Variants in GNL1 observed in about 807,000 individuals in gnomAD.
The protein encoded by GNL1 is G protein nucleolar 1.
Under a neutral mutation model 75.2 loss-of-function variants are expected in GNL1, and 21 were observed. That is an observed-to-expected ratio of 0.28 (90% CI 0.20 to 0.40). The LOEUF is 0.40. Ranked by LOEUF, GNL1 falls within the 10% of genes least tolerant of loss-of-function variation. GNL1 has a pLI of 1.00. For missense variants in GNL1, 579 were observed against 775.0 expected (o/e 0.75, Z 3.00); for synonymous variants, 287 against 303.4 (o/e 0.95, Z 0.56).
chr6:30,547,760 G>A lies in GNL1; in HGVS notation c.1100-230C>T. On this transcript the variant is annotated intron_variant, in intron 8 of 11. Transcript: ENST00000376621. This position sits in a 1 kb window ranked among gnomAD's most constrained non-coding sequence, Gnocchi z 5.5. ...AGCCTCTGTTTCTTCATTTTACAGT[G>A]TGGACACCTCCCTACCTCAGGGTGG... is the stretch of plus-strand genomic sequence containing the variant. The A allele has an allele frequency of 1.8e-6, 1 of 565,592 alleles. No individual in the cohort carries two copies. The highest frequency in any genetic ancestry group is 3.1e-6 in the Non-Finnish European group (1 of 325,204). 35.0% of individuals were successfully genotyped at this position (565,592 alleles called of 1,614,324 possible).
chr6:30,555,866 A>G lies in GNL1; in HGVS notation c.74-146T>C, dbSNP rs1800134300. The G allele has an allele frequency of 1.1e-6, 1 of 928,768 alleles. No individual in the cohort carries two copies. The highest frequency in any genetic ancestry group is 1.6e-6 in the Non-Finnish European group (1 of 618,096). 57.5% of individuals were successfully genotyped at this position (928,768 alleles called of 1,614,324 possible). A position where few individuals can be genotyped will look rare whatever the true frequency, so the allele number is the denominator to read the frequency against. ...GACACCCTATTTGGGACCCTCCCGG[A>G]TGTGCGTGGGGGGAGTCACTCCTTC... On this transcript the variant is annotated intron_variant, in intron 1 of 11. Transcript: ENST00000376621. The surrounding 1 kb of genome is among the most constrained non-coding windows in gnomAD (Gnocchi z 4.3).
chr6:30,553,665 G>C, intron 5 of GNL1, 108 bp from the exon 6 acceptor site: 3 of 738,432 alleles, frequency 4.1e-6, no homozygotes, highest in Non-Finnish European at 4.8e-6. Flanking sequence ...CCTGGTGGTA[G>C]CAGACTCTGG....
Position 30,541,452 on chromosome 6 carries a change from A to T in GNL1, c.*4620T>A, listed in dbSNP as rs1260787096. 1.3e-5 allele frequency: 2 copies of T among 152,230 alleles called. No homozygotes were observed. The highest frequency in any genetic ancestry group is 4.8e-5 in the African/African-American group (2 of 41,464). 9.4% of individuals were successfully genotyped at this position (152,230 alleles called of 1,614,324 possible). On this transcript the variant is annotated 3_prime_UTR_variant, in exon 12 of 12. Coordinates refer to ENST00000376621, the MANE Select transcript of GNL1 (RefSeq NM_005275.5). ...TGTATTTGTAAATATTAAAACACTG[A>T]AACTTGCTACTGACACAAGAACGAC...
Position 30,555,774 on chromosome 6 carries a change from A to G in GNL1, c.74-54T>C, listed in dbSNP as rs757463759. On this transcript the variant is annotated intron_variant, in intron 1 of 11. Transcript: ENST00000376621. This position sits in a 1 kb window ranked among gnomAD's most constrained non-coding sequence, Gnocchi z 4.3. ...CTGGCCAGCTCTCAGGGGCCATAAG[A>G]CCCTCTCCCCCATCGGCCTGACTCC... 1.9e-6 allele frequency: 3 copies of G among 1,561,344 alleles called. No homozygotes were observed. The East Asian group carries it at 6.8e-5, about 35-fold the overall frequency.
In GNL1 at chr6:30,555,656, T is replaced by G; in HGVS notation, c.138A>C (p.Glu46Asp). The change falls in exon 2 of 12, where the codon GAA becomes GAC. Residue 46 changes from glutamate to aspartate, a missense_variant. Coordinates refer to ENST00000376621, the MANE Select transcript of GNL1 (RefSeq NM_005275.5). The surrounding 1 kb of genome is among the most constrained non-coding windows in gnomAD (Gnocchi z 4.3). ...ACTCCCCGTCCGAGGTGTCGGTCTG[T>G]TCCTCTCGCCGCTCCCGGCTCCCGC... ...SRSGSRERRE[E>D]QTDTSDGESV... 6.2e-7 allele frequency: 1 copy of G among 1,614,044 alleles called. No homozygotes were observed. Among genetic ancestry groups the G allele is most frequent in the Non-Finnish European group, 8.5e-7 (1 of 1,179,994 alleles).
Position 30,547,338 on chromosome 6 carries a change from C to A in GNL1, c.1278+14G>T, listed in dbSNP as rs777099471. 3.6e-5 allele frequency: 57 copies of A among 1,589,696 alleles called. No individual in the cohort carries two copies. The highest frequency in any genetic ancestry group is 4.9e-5 in the Non-Finnish European group (57 of 1,167,454). On this transcript the variant is annotated intron_variant, in intron 9 of 11. Coordinates refer to ENST00000376621, the MANE Select transcript of GNL1 (RefSeq NM_005275.5). The surrounding 1 kb of genome is among the most constrained non-coding windows in gnomAD (Gnocchi z 5.5). ...CACCTTCTCTCTTTCCCTTACCCACCCTCCCCGTCATACCTGCAACTGCCT... is the reference window on the plus strand; with the variant it reads ...CACCTTCTCTCTTTCCCTTACCCACACTCCCCGTCATACCTGCAACTGCCT...
Position 30,556,358 on chromosome 6 carries a change from C to T in GNL1, c.-155G>A, listed in dbSNP as rs898863894. 2.2e-4 allele frequency: 173 copies of T among 777,444 alleles called. No individual in the cohort carries two copies. In the African/African-American group the frequency reaches 2.3e-3, roughly 11 times the overall value. 48.2% of individuals were successfully genotyped at this position (777,444 alleles called of 1,614,324 possible). On this transcript the variant is annotated 5_prime_UTR_variant, in exon 1 of 12. Coordinates refer to ENST00000376621, the MANE Select transcript of GNL1 (RefSeq NM_005275.5). The surrounding 1 kb of genome is among the most constrained non-coding windows in gnomAD (Gnocchi z 5.7). ...GGCGGGCCCGACAGAATTACCGCCG[C>T]GGCGGCGATGGAAGGCGGACGGGGG...
rs1799838132 is a variant in GNL1, at chr6:30,552,367, C to G, written c.1099+100G>C. On this transcript the variant is annotated intron_variant, in intron 8 of 11. Coordinates refer to ENST00000376621, the MANE Select transcript of GNL1 (RefSeq NM_005275.5). This position sits in a 1 kb window ranked among gnomAD's most constrained non-coding sequence, Gnocchi z 4.5. The stretch of plus-strand genomic sequence containing the variant: ...ACTGGCAGAGATCACCCCTCAGACA[C>G]CCTGGGGCCTAATGAGACCTGATCG... 2 of 996,130 alleles carry G rather than the reference C, an allele frequency of 2.0e-6. No individual in the cohort carries two copies. The highest frequency in any genetic ancestry group is 1.5e-6 in the Non-Finnish European group (1 of 655,452). The allele number at this position is 996,130 out of a possible 1,614,324, so 61.7% of individuals were successfully genotyped here. A position where few individuals can be genotyped will look rare whatever the true frequency, so the allele number is the denominator to read the frequency against.
At position 30,552,399 on chromosome 6, in the gene GNL1, CTCTT is replaced by C; in HGVS notation, c.1099+64_1099+67del. On this transcript the variant is annotated intron_variant, in intron 8 of 11. Transcript: ENST00000376621. This position sits in a 1 kb window ranked among gnomAD's most constrained non-coding sequence, Gnocchi z 4.5. ...GCCTAATGAGACCTGATCGCCCTCT[CTCTT>C]CTCCGAATATGAAAACTCTGTACCT... The C allele has an allele frequency of 1.5e-6, 2 of 1,362,084 alleles. No homozygotes were observed. Among genetic ancestry groups the C allele is most frequent in the Non-Finnish European group, 2.1e-6 (2 of 969,832 alleles). The allele number at this position is 1,362,084 out of a possible 1,614,324, so 84.4% of individuals were successfully genotyped here. A position where few individuals can be genotyped will look rare whatever the true frequency, so the allele number is the denominator to read the frequency against.
intron 8 of GNL1, among the ~76,000 whole-genome samples, chr6:30,551,518 C>T (rs1163180055): frequency 2.0e-5 from 3 of 152,158 alleles, no homozygotes; most frequent in Non-Finnish European, 2.9e-5. Context: ...TCTTACCTCT[C>T]CCACCCTAAA....
At position 30,547,995 on chromosome 6, in the gene GNL1, G is replaced by C. The variant is rs528238214; in HGVS notation, c.1100-465C>G. On this transcript the variant is annotated intron_variant, in intron 8 of 11. Coordinates refer to ENST00000376621, the MANE Select transcript of GNL1 (RefSeq NM_005275.5). This position sits in a 1 kb window ranked among gnomAD's most constrained non-coding sequence, Gnocchi z 5.5. ...CTTCAAGACCAGCCTGGCCAACATG[G>C]TGAAACCCCATCTCTACTAAAAATA... 6.6e-6 allele frequency among the ~76,000 whole-genome samples: 1 copy of C among 152,076 alleles called. No homozygotes were observed. Among genetic ancestry groups the C allele is most frequent in the Non-Finnish European group, 1.5e-5 (1 of 68,024 alleles).
intron 8 of GNL1, among the ~76,000 whole-genome samples, chr6:30,549,877 G>A (rs1284672767): frequency 6.8e-6 from 1 of 147,604 alleles, no homozygotes; most frequent in African/African-American, 2.5e-5. Flanking sequence ...AGGCTGGAGT[G>A]CAGTGGTATG....
chr6:30,555,519 G>A lies in GNL1; in HGVS notation c.239+36C>T, dbSNP rs1562716559. The A allele has an allele frequency of 1.9e-6, 3 of 1,584,852 alleles. No individual in the cohort carries two copies. The highest frequency in any genetic ancestry group is 2.6e-6 in the Non-Finnish European group (3 of 1,160,482). On this transcript the variant is annotated intron_variant, in intron 2 of 11. Coordinates refer to ENST00000376621, the MANE Select transcript of GNL1 (RefSeq NM_005275.5). This position sits in a 1 kb window ranked among gnomAD's most constrained non-coding sequence, Gnocchi z 4.3. ...CCAAAGCTCTGACTTCCGGGTAGGC[G>A]GGAAAGCCGGGACCAGCGCCCCCTC...
In GNL1 at chr6:30,556,153, C is replaced by T. The variant is rs745444912; in HGVS notation, c.51G>A (p.Gln17=). The T allele has an allele frequency of 1.2e-6, 2 of 1,604,868 alleles. No individual in the cohort carries two copies. Among genetic ancestry groups the T allele is most frequent in the South Asian group, 2.2e-5 (2 of 91,068 alleles). The part of the protein sequence containing the change: ...FSVKQKKKQL[Q]DKRERKRGLQ... ...GACCTCTCTTCCGCTCCCGTTTGTC[C>T]TGCAACTGCTTCTTCTTCTGCTTCA... is the stretch of plus-strand genomic sequence containing the variant. Residue 17 remains glutamine (Q), a synonymous_variant, in exon 1 of 12, where the codon CAG becomes CAA. Transcript: ENST00000376621. This position sits in a 1 kb window ranked among gnomAD's most constrained non-coding sequence, Gnocchi z 5.7.
chr6:30,549,007 T>G (rs1016116302), intron 8 of GNL1, among the ~76,000 whole-genome samples: 101 of 152,268 alleles, frequency 6.6e-4, no homozygotes, highest in Non-Finnish European at 1.1e-3. Flanking sequence ...TTTTTTTGTT[T>G]TTGTTTTTGA....
At position 30,554,655 on chromosome 6, in the gene GNL1, A is replaced by G. The variant is rs778236330; in HGVS notation, c.529-9T>C. 9 of 1,605,826 alleles carry G rather than the reference A, an allele frequency of 5.6e-6. No homozygotes were observed. The highest frequency in any genetic ancestry group is 4.4e-5 in the South Asian group (4 of 90,950). ...CACAGCTGCCTCCATGTCTAAAAAG[A>G]CAGGATCAGGAAGAGAAACTGAAAA... On this transcript the variant is annotated splice_polypyrimidine_tract_variant and intron_variant, in intron 4 of 11. Coordinates refer to ENST00000376621, the MANE Select transcript of GNL1 (RefSeq NM_005275.5).
Position 30,546,640 on chromosome 6 carries a change from A to G in GNL1, c.1582+56T>C. On this transcript the variant is annotated intron_variant, in intron 11 of 11. Coordinates refer to ENST00000376621, the MANE Select transcript of GNL1 (RefSeq NM_005275.5). The surrounding 1 kb of genome is among the most constrained non-coding windows in gnomAD (Gnocchi z 5.1). ...GACCCTCTCTCTGGCCACAAAGCCC[A>G]CACCCTTTTACCTACGCTATAGCAG... 1 of 1,448,006 alleles carries G rather than the reference A, an allele frequency of 6.9e-7. No homozygotes were observed. The highest frequency in any genetic ancestry group is 9.5e-7 in the Non-Finnish European group (1 of 1,056,564). 89.7% of individuals were successfully genotyped at this position (1,448,006 alleles called of 1,614,324 possible).
In GNL1 at chr6:30,556,447, TGAGAGCCA is replaced by T; in HGVS notation, c.-252_-245del. The T allele has an allele frequency of 5.3e-6, 3 of 571,270 alleles. No individual in the cohort carries two copies. The highest frequency in any genetic ancestry group is 9.3e-6 in the Non-Finnish European group (3 of 321,408). The allele number at this position is 571,270 out of a possible 1,614,324, so 35.4% of individuals were successfully genotyped here. A position where few individuals can be genotyped will look rare whatever the true frequency, so the allele number is the denominator to read the frequency against. On this transcript the variant is annotated 5_prime_UTR_variant, in exon 1 of 12. Coordinates refer to ENST00000376621, the MANE Select transcript of GNL1 (RefSeq NM_005275.5). This position sits in a 1 kb window ranked among gnomAD's most constrained non-coding sequence, Gnocchi z 5.7. ...TGATGCGGGGTGGGCTACTGGCACG[TGAGAGCCA>T]GTGGCACCGAGAGGGCGCCCCGGCG...
intron 5 of GNL1, 119 bp from the exon 6 acceptor site, chr6:30,553,676 G>A: frequency 1.4e-6 from 1 of 692,784 alleles, no homozygotes; most frequent in Non-Finnish European, 2.6e-6. Context: ...CAGACTCTGG[G>A]CTAAAAACTA....
Sources: allele counts gnomAD v4.1 joint callset (sites outside exome capture counted in the v4.1 genomes callset), GRCh38; gene constraint gnomAD v4.1.1; non-coding constraint Gnocchi (gnomAD v3.1); transcripts MANE v1.5; gene names NCBI Gene and HGNC (gene_info 2026-07-23, HGNC 2026-07-21).